Variants in DNAAF9 observed in about 807,000 individuals in gnomAD.
The protein encoded by DNAAF9 is shulin.
A neutral mutation model predicts 167.0 loss-of-function variants in DNAAF9; 90 were observed. The observed-to-expected ratio is 0.54, with a 90% CI of 0.45 to 0.64. The LOEUF (loss-of-function observed/expected upper bound fraction) is 0.64, where lower values mean the gene tolerates loss of function less well. Among genes scored for constraint, DNAAF9 ranks in the 30% least tolerant of loss-of-function variants. The probability of loss-of-function intolerance (pLI) is 0.00; values close to 1 mark genes in which losing one functional copy is unlikely to be tolerated. For missense variants in DNAAF9, 1,315 were observed against 1,442.2 expected (o/e 0.91, Z 1.43); for synonymous variants, 491 against 508.8 (o/e 0.96, Z 0.47).
At chr20:3,262,108 T>C (rs948133169) in intron 31 of DNAAF9, among the ~76,000 whole-genome samples, 3 of 152,124 alleles carry the variant, frequency 2.0e-5, no homozygotes, top group East Asian at 1.9e-4. Flanking sequence ...AGGAGACTGA[T>C]GACTGCCATC....
At chr20:3,320,612 C>CA (rs1404507176) in intron 16 of DNAAF9, among the ~76,000 whole-genome samples, 14 of 152,242 alleles carry the variant, frequency 9.2e-5, no homozygotes, top group African/African-American at 3.4e-4. Context: ...AATGATATCA[C>CA]AAAAAAGTCT....
intron 3 of DNAAF9, among the ~76,000 whole-genome samples, chr20:3,376,865 C>T (rs961868409): frequency 1.3e-5 from 2 of 152,136 alleles, no homozygotes; most frequent in African/African-American, 2.4e-5. Context: ...GAGTTTGAGA[C>T]CAGCCTGACC....
intron 32 of DNAAF9, 37 bp downstream of exon 32, chr20:3,259,884 CT>C: frequency 1.2e-5 from 15 of 1,216,446 alleles, no homozygotes; most frequent in Non-Finnish European, 1.6e-5. Context: ...CTGGGACACC[CT>C]TTTTCCAGTG....
chr20:3,394,949 C>CTTTTTTCT (rs2083881857), intron 1 of DNAAF9, among the ~76,000 whole-genome samples: 1 of 102,132 alleles, frequency 9.8e-6, no homozygotes, highest in African/African-American at 4.1e-5. Flanking sequence ...TTTCTTTTTT[C>CTTTTTTCT]TTTTTTTTTT....
chr20:3,275,789 G>A (rs1043240152), intron 29 of DNAAF9, among the ~76,000 whole-genome samples: 10 of 152,314 alleles, frequency 6.6e-5, no homozygotes, highest in African/African-American at 2.4e-4. Flanking sequence ...TCACCAGTCT[G>A]GGCTGTGAGC....
At chr20:3,396,717 T>A (rs1237693389) in intron 1 of DNAAF9, among the ~76,000 whole-genome samples, 1 of 152,056 alleles carries the variant, frequency 6.6e-6, no homozygotes, top group Non-Finnish European at 1.5e-5. Context: ...TGAGCCGGTA[T>A]GGCTGGAGCA....
chr20:3,254,522 A>T (rs2068245331), intron 35 of DNAAF9, among the ~76,000 whole-genome samples: 1 of 152,126 alleles, frequency 6.6e-6, no homozygotes, highest in Admixed American at 6.5e-5. Flanking sequence ...AACATGCATT[A>T]TAAGGACTAC....
chr20:3,381,505 G>C lies in DNAAF9; in HGVS notation c.164-7C>G, dbSNP rs780075813. 1 of 1,612,792 alleles carries C rather than the reference G, an allele frequency of 6.2e-7. No homozygotes were observed. Among genetic ancestry groups the C allele is most frequent in the South Asian group, 1.1e-5 (1 of 90,888 alleles). On this transcript the variant is annotated splice_region_variant and splice_polypyrimidine_tract_variant and intron_variant, in intron 2 of 36. Transcript: ENST00000252032. ...TTGTACCTGCTATCGATTCCTGCAAGGCAAAGGAGGCTCTGATCAGCTGTA... is the reference window on the plus strand; with the variant it reads ...TTGTACCTGCTATCGATTCCTGCAACGCAAAGGAGGCTCTGATCAGCTGTA...
chr20:3,393,166 T>TTTTATTTA (rs544302269), intron 1 of DNAAF9, among the ~76,000 whole-genome samples: 2 of 152,092 alleles, frequency 1.3e-5, no homozygotes, highest in African/African-American at 4.8e-5. Context: ...GTTGAATACC[T>TTTTATTTA]TTTATTTATT....
At chr20:3,304,394 G>C in intron 21 of DNAAF9, 46 bp downstream of exon 21, 1 of 857,510 alleles carries the variant, frequency 1.2e-6, no homozygotes, top group South Asian at 1.3e-5. Context: ...TCAAAAGTGT[G>C]AGCAACTTTC....
At chr20:3,264,794 T>C (rs2068457467) in intron 30 of DNAAF9, among the ~76,000 whole-genome samples, 1 of 152,178 alleles carries the variant, frequency 6.6e-6, no homozygotes, top group African/African-American at 2.4e-5. Flanking sequence ...CGTCTCAATC[T>C]CCTGACCTCA....
At chr20:3,366,961 T>G (rs2083440094) in intron 6 of DNAAF9, among the ~76,000 whole-genome samples, 1 of 151,422 alleles carries the variant, frequency 6.6e-6, no homozygotes, top group Non-Finnish European at 1.5e-5. Context: ...AAAATAAAAA[T>G]AAAAAAGAAA....
intron 25 of DNAAF9, among the ~76,000 whole-genome samples, chr20:3,293,017 C>T (rs572882778): frequency 1.3e-5 from 2 of 151,446 alleles, no homozygotes; most frequent in South Asian, 2.1e-4. Flanking sequence ...ATCCAGGAGG[C>T]GGAGGTTGCA....
chr20:3,267,860 G>T (rs1285316256), intron 30 of DNAAF9, among the ~76,000 whole-genome samples: 1 of 151,658 alleles, frequency 6.6e-6, no homozygotes, highest in Non-Finnish European at 1.5e-5. Flanking sequence ...ATATTTGAAG[G>T]GTTTTTCTTC....
At chr20:3,270,670 C>A in intron 29 of DNAAF9, 108 bp from the exon 30 acceptor site, 1 of 893,204 alleles carries the variant, frequency 1.1e-6, no homozygotes, top group Non-Finnish European at 1.8e-6. Context: ...TTCCAGTAGT[C>A]TCCTGATGGA....
chr20:3,339,126 A>T lies in DNAAF9; in HGVS notation c.981+1378T>A, dbSNP rs73081085. Reference sequence around the variant, plus strand: ...TTCTATTACAGTGCTTTTGAATCCTAGAATTTCCTTTTGATTCTATCTTCA... The same window carrying T: ...TTCTATTACAGTGCTTTTGAATCCTTGAATTTCCTTTTGATTCTATCTTCA... On this transcript the variant is annotated intron_variant, in intron 10 of 36. Coordinates refer to ENST00000252032, the MANE Select transcript of DNAAF9 (RefSeq NM_001009984.3). Among the ~76,000 whole-genome samples, 1,080 of 152,286 alleles carry T rather than the reference A, an allele frequency of 7.1e-3. 5 individuals carry two copies. The highest frequency in any genetic ancestry group is 0.011 in the Non-Finnish European group (773 of 68,014).
intron 1 of DNAAF9, among the ~76,000 whole-genome samples, chr20:3,396,319 C>T (rs1011182111): frequency 7.2e-5 from 11 of 152,242 alleles, no homozygotes; most frequent in African/African-American, 2.4e-4. Context: ...GCAGTTTTCT[C>T]TCTTCCTTTT....
intron 1 of DNAAF9, among the ~76,000 whole-genome samples, chr20:3,386,859 C>G (rs2083747250): frequency 6.6e-6 from 1 of 151,852 alleles, no homozygotes. Context: ...CCTATGACAA[C>G]ATGTTCGACA....
chr20:3,390,851 T>C (rs1427062630), intron 1 of DNAAF9, among the ~76,000 whole-genome samples: 1 of 152,212 alleles, frequency 6.6e-6, no homozygotes, highest in Non-Finnish European at 1.5e-5. Context: ...AGGCTGATCT[T>C]GCAATCATTC....
Sources: gnomAD v4.1 joint callset for allele counts (sites outside exome capture counted in the v4.1 genomes callset) on GRCh38, gnomAD v4.1.1 for gene constraint, MANE v1.5 for transcripts, NCBI Gene and HGNC (gene_info 2026-07-23, HGNC 2026-07-21) for gene names.